The following MED13L variants were observed in gnomAD, a reference collection of about 807,000 sequenced individuals.
The protein encoded by MED13L is mediator complex subunit 13L, also known as mediator of RNA polymerase II transcription subunit 13-like.
A neutral mutation model predicts 220.9 loss-of-function variants in MED13L; 7 were observed. The observed-to-expected ratio is 0.03, with a 90% CI of 0.02 to 0.06. The LOEUF is 0.06. Among genes scored for constraint, MED13L ranks in the 10% least tolerant of loss-of-function variants. The pLI is 1.00. For synonymous variants in MED13L, 1,011 were observed against 1,015.2 expected (o/e 1.00, Z 0.08); for missense variants, 1,965 against 2,760.5 (o/e 0.71, Z 6.46).
At chr12:116,217,067 T>G (rs547160894) in intron 2 of MED13L, among the ~76,000 whole-genome samples, 1 of 152,224 alleles carries the variant, frequency 6.6e-6, no homozygotes, top group African/African-American at 2.4e-5. Flanking sequence ...GGGAAGTCTT[T>G]CCCTTTACCT....
chr12:116,055,965 T>A (rs1868928392), intron 4 of MED13L, among the ~76,000 whole-genome samples: 2 of 151,346 alleles, frequency 1.3e-5, no homozygotes, highest in Admixed American at 1.3e-4. Flanking sequence ...CTGACTTTAA[T>A]AAGATTCACT....
At chr12:116,049,153 C>T (rs1195925088) in intron 4 of MED13L, among the ~76,000 whole-genome samples, 1 of 152,146 alleles carries the variant, frequency 6.6e-6, no homozygotes, top group African/African-American at 2.4e-5. Context: ...CAGTGGCATT[C>T]TGTTCCAGAT....
At chr12:115,963,959 T>C (rs1875956264) in intron 29 of MED13L, among the ~76,000 whole-genome samples, 1 of 152,046 alleles carries the variant, frequency 6.6e-6, no homozygotes, top group South Asian at 2.1e-4. Flanking sequence ...TGGTGGTGTG[T>C]GCCTGTAGTC....
rs150398214 is a variant in MED13L at position 116,111,515 on chromosome 12, G to GA, written c.311-4dup. The GA allele has an allele frequency of 6.0e-3, 7,774 of 1,304,790 alleles. No individual in the cohort carries two copies. Among genetic ancestry groups the GA allele is most frequent in the Non-Finnish European group, 6.5e-3 (6,315 of 976,194 alleles). The allele number at this position is 1,304,790 out of a possible 1,614,324, so 80.8% of individuals were successfully genotyped here. The stretch of plus-strand genomic sequence containing the variant: ...TTCCCAGAGTCCTTCTTCCACAACT[G>GA]AAAAAAAAAAGAAAAAAGAAAAAAA... On this transcript the variant is annotated splice_region_variant and splice_polypyrimidine_tract_variant and intron_variant, in intron 2 of 30. Coordinates refer to ENST00000281928, the MANE Select transcript of MED13L (RefSeq NM_015335.5).
chr12:116,132,376 T>C (rs549170736), intron 2 of MED13L, among the ~76,000 whole-genome samples: 1 of 152,036 alleles, frequency 6.6e-6, no homozygotes, highest in Non-Finnish European at 1.5e-5. Context: ...CTCAAATTAC[T>C]GGGCAGAGGA....
intron 1 of MED13L, among the ~76,000 whole-genome samples, chr12:116,246,552 T>C (rs1211848294): frequency 6.6e-6 from 1 of 150,716 alleles, no homozygotes; most frequent in African/African-American, 2.4e-5. Flanking sequence ...GTGGCTCATG[T>C]CTGTAATGCC....
In MED13L at chr12:116,022,522, G is replaced by C; in HGVS notation, c.559C>G (p.Gln187Glu). The change falls in exon 5 of 31, where the codon CAG (glutamine) becomes GAG (glutamate). Residue 187 changes from glutamine to glutamate, a missense_variant. Physicochemically the swap from Gln to Glu is conservative, Grantham distance 29. Around this residue, in one of 10 missense-constraint regions of MED13L, gnomAD observed 818 missense variants for 1,041.2 expected, o/e 0.79. Transcript: ENST00000281928. ...TCCTCATTGATCAAATAAATTGGCT[G>C]GTGCTGGGCAATCTCCACACTTGTG... ...VCTSVEIAQH[Q>E]PIYLINEEHI... 6.2e-7 allele frequency: 1 copy of C among 1,613,546 alleles called. No homozygotes were observed. Among genetic ancestry groups the C allele is most frequent in the Non-Finnish European group, 8.5e-7 (1 of 1,179,806 alleles).
At chr12:116,205,000 T>A (rs1882223447) in intron 2 of MED13L, among the ~76,000 whole-genome samples, 1 of 152,190 alleles carries the variant, frequency 6.6e-6, no homozygotes, top group Admixed American at 6.5e-5. Flanking sequence ...CTCTGGTGGC[T>A]ACCTAGAACA....
At chr12:116,246,570 T>C (rs1418892389) in intron 1 of MED13L, among the ~76,000 whole-genome samples, 7 of 150,186 alleles carry the variant, frequency 4.7e-5, no homozygotes, top group Admixed American at 2.7e-4. Flanking sequence ...GCCAGCACTT[T>C]AGGAGGCCAA....
At chr12:116,041,651 T>C (rs1281138690) in intron 4 of MED13L, among the ~76,000 whole-genome samples, 1 of 152,208 alleles carries the variant, frequency 6.6e-6, no homozygotes, top group East Asian at 1.9e-4. Context: ...AAGACCATCC[T>C]GGCTAACACG....
chr12:116,226,981 C>A (rs1869075901), intron 2 of MED13L, among the ~76,000 whole-genome samples: 1 of 151,214 alleles, frequency 6.6e-6, no homozygotes, highest in African/African-American at 2.4e-5. Context: ...AACCTTAGGC[C>A]CAATGATACT....
chr12:115,972,950 C>T (rs1017926684), intron 25 of MED13L, among the ~76,000 whole-genome samples: 1 of 152,152 alleles, frequency 6.6e-6, no homozygotes, highest in African/African-American at 2.4e-5. Flanking sequence ...AAGTATGCGC[C>T]ATTCCTATGC....
chr12:116,066,900 G>C (rs923948748), intron 4 of MED13L, among the ~76,000 whole-genome samples: 1 of 152,108 alleles, frequency 6.6e-6, no homozygotes, highest in African/African-American at 2.4e-5. Flanking sequence ...TTAGTTTCAT[G>C]AAGTTTTAAA....
At chr12:116,059,541 C>G (rs1444826182) in intron 4 of MED13L, among the ~76,000 whole-genome samples, 1 of 151,824 alleles carries the variant, frequency 6.6e-6, no homozygotes, top group African/African-American at 2.4e-5. Context: ...AGTCAGTCTC[C>G]CAAGTAGCTG....
chr12:116,225,119 C>G (rs1446378376), intron 2 of MED13L, among the ~76,000 whole-genome samples: 1 of 152,172 alleles, frequency 6.6e-6, no homozygotes, highest in Non-Finnish European at 1.5e-5. Context: ...AGTACTGACC[C>G]CAGGACATCC....
At chr12:116,146,226 G>A (rs1231579451) in intron 2 of MED13L, among the ~76,000 whole-genome samples, 5 of 152,080 alleles carry the variant, frequency 3.3e-5, no homozygotes, top group African/African-American at 7.2e-5. Flanking sequence ...GGGTTCAAGC[G>A]ATTCTCCTGC....
Position 115,960,549 on chromosome 12 carries a change from T to A in MED13L, c.*717A>T, listed in dbSNP as rs1159156701. On this transcript the variant is annotated 3_prime_UTR_variant, in exon 31 of 31. Transcript: ENST00000281928. ...CCTTTTCCGGCTTCTAGGACAGAGG[T>A]ATGTAGTCAAAGAATCCTATGGTGG... 1 of 153,210 alleles carries A rather than the reference T, an allele frequency of 6.5e-6. No homozygotes were observed. The highest frequency in any genetic ancestry group is 2.4e-5 in the African/African-American group (1 of 41,442). 9.5% of individuals were successfully genotyped at this position (153,210 alleles called of 1,614,324 possible).
chr12:116,150,878 C>T (rs1324364771), intron 2 of MED13L, among the ~76,000 whole-genome samples: 1 of 152,080 alleles, frequency 6.6e-6, no homozygotes, highest in Non-Finnish European at 1.5e-5. Context: ...TAAGTTTCTT[C>T]TTTTGTAAAT....
At chr12:116,122,174 A>G (rs1428221579) in intron 2 of MED13L, among the ~76,000 whole-genome samples, 2 of 152,228 alleles carry the variant, frequency 1.3e-5, no homozygotes, top group Non-Finnish European at 2.9e-5. Context: ...ACAAGGAAAC[A>G]TGTATCCACT....
Sources: allele counts gnomAD v4.1 joint callset (sites outside exome capture counted in the v4.1 genomes callset), GRCh38; gene constraint gnomAD v4.1.1; regional missense constraint gnomAD v4.1.1; transcripts MANE v1.5; gene names NCBI Gene and HGNC (gene_info 2026-07-23, HGNC 2026-07-21).